The following ADAM10 variants were observed in gnomAD, a reference collection of about 807,000 sequenced individuals.
ADAM10 encodes the protein ADAM metallopeptidase domain 10, also known as disintegrin and metalloproteinase domain-containing protein 10.
In ADAM10, 17 loss-of-function variants were observed where a neutral mutation model predicts 90.1. The ratio of observed to expected loss-of-function variants is 0.19; its 90% CI spans 0.13 to 0.28. ADAM10 has a LOEUF of 0.28. Ranked by LOEUF, ADAM10 falls within the 10% of genes least tolerant of loss-of-function variation. ADAM10 has a pLI of 1.00. For synonymous variants in ADAM10, 310 were observed against 298.6 expected, an observed-to-expected ratio of 1.04 and a Z score of -0.40; for missense variants, 610 against 914.3, an observed-to-expected ratio of 0.67 and a Z score of 4.29.
chr15:58,743,513 C>T (rs1379938787), intron 1 of ADAM10, among the ~76,000 whole-genome samples: 2 of 152,174 alleles, frequency 1.3e-5, no homozygotes, highest in African/African-American at 4.8e-5. Flanking sequence ...AAAATGGTAA[C>T]ACAGTTGCTG....
chr15:58,619,925 G>A (rs112963976), intron 11 of ADAM10, among the ~76,000 whole-genome samples: 74 of 151,580 alleles, frequency 4.9e-4, no homozygotes, highest in Non-Finnish European at 4.3e-4. Flanking sequence ...TTTAAAAAAA[G>A]GAATAGGAAG....
At chr15:58,749,299 A>C (rs987447586) in intron 1 of ADAM10, among the ~76,000 whole-genome samples, 181 bp downstream of exon 1, 3 of 151,936 alleles carry the variant, frequency 2.0e-5, no homozygotes, top group East Asian at 1.9e-4. Flanking sequence ...CCCGCCACCG[A>C]AGGGAAAGCG....
At chr15:58,713,500 G>A (rs1195095557) in intron 2 of ADAM10, among the ~76,000 whole-genome samples, 1 of 152,076 alleles carries the variant, frequency 6.6e-6, no homozygotes, top group Non-Finnish European at 1.5e-5. Flanking sequence ...AGGAGTAGAG[G>A]ACATATGCAT....
chr15:58,606,012 CAT>C (rs1895262680), intron 14 of ADAM10, among the ~76,000 whole-genome samples: 1 of 152,106 alleles, frequency 6.6e-6, no homozygotes, highest in Non-Finnish European at 1.5e-5. Flanking sequence ...TCTCTTCAGA[CAT>C]AAGATAATCT....
intron 2 of ADAM10, among the ~76,000 whole-genome samples, chr15:58,697,392 C>A (rs1320618305): frequency 6.6e-6 from 1 of 152,150 alleles, no homozygotes; most frequent in Non-Finnish European, 1.5e-5. Flanking sequence ...GATCACCCCA[C>A]CCCTGCCTAC....
rs1247280058 is a variant in ADAM10 at position 58,590,125 on chromosome 15, G to C, written c.*7422C>G. The stretch of plus-strand genomic sequence containing the variant: ...CTTCATCCATCATATTTTGACTCAA[G>C]CATCACTTTCATAAGGAATTCTCTG... On this transcript the variant is annotated 3_prime_UTR_variant, in exon 16 of 16. Transcript: ENST00000260408. The C allele has an allele frequency of 2.6e-5, 4 of 152,034 alleles. No homozygotes were observed. Among genetic ancestry groups the C allele is most frequent in the African/African-American group, 9.7e-5 (4 of 41,366 alleles). The allele number at this position is 152,034 out of a possible 1,614,324, so 9.4% of individuals were successfully genotyped here.
intron 14 of ADAM10, among the ~76,000 whole-genome samples, chr15:58,603,496 G>A (rs1288271370): frequency 3.9e-5 from 6 of 152,262 alleles, no homozygotes; most frequent in African/African-American, 1.2e-4. Context: ...GCTTTCTCAC[G>A]ATGATGGGCA....
chr15:58,599,107 T>C lies in ADAM10; in HGVS notation c.2152+491A>G, dbSNP rs1193169742. On this transcript the variant is annotated intron_variant, in intron 15 of 15. Coordinates refer to ENST00000260408, the MANE Select transcript of ADAM10 (RefSeq NM_001110.4). ...AGGAGGCTAAAGTGGGGAGGATTGC[T>C]TGAGCTCAGGAGTAAGTCCAGCCTG... is the stretch of plus-strand genomic sequence containing the variant. Among the ~76,000 whole-genome samples the C allele has an allele frequency of 2.7e-5, 4 of 146,362 alleles. No individual in the cohort carries two copies. In the East Asian group the frequency reaches 6.0e-4, roughly 22 times the overall value.
At chr15:58,706,157 T>C (rs1251274976) in intron 2 of ADAM10, among the ~76,000 whole-genome samples, 2 of 152,178 alleles carry the variant, frequency 1.3e-5, no homozygotes, top group Non-Finnish European at 1.5e-5. Context: ...ACAGGGTGCA[T>C]CCTTTTAACT....
rs185706539 is a variant in ADAM10, at chr15:58,640,668, G to A, written c.1012+109C>T. ...GCCTAACTCAAGTAGCATAAATTAG[G>A]ATATTATACAGGCATCACTTTCTCC... On this transcript the variant is annotated intron_variant, in intron 8 of 15. Transcript: ENST00000260408. 163 of 1,040,626 alleles carry A rather than the reference G, an allele frequency of 1.6e-4. 1 individual carries two copies. The African/African-American group carries it at 1.9e-3, about 12-fold the overall frequency. 64.5% of individuals were successfully genotyped at this position (1,040,626 alleles called of 1,614,324 possible).
At chr15:58,619,157 G>A (rs1566969413) in intron 11 of ADAM10, among the ~76,000 whole-genome samples, 2 of 152,104 alleles carry the variant, frequency 1.3e-5, no homozygotes, top group South Asian at 2.1e-4. Flanking sequence ...TCACAAAGAA[G>A]AGCAAAATAC....
At chr15:58,661,876 A>AT (rs1360684376) in intron 5 of ADAM10, among the ~76,000 whole-genome samples, 1 of 152,086 alleles carries the variant, frequency 6.6e-6, no homozygotes, top group African/African-American at 2.4e-5. Context: ...TATCCACTAA[A>AT]TTTTTTACCT....
chr15:58,727,732 C>T (rs1401924030), intron 1 of ADAM10, among the ~76,000 whole-genome samples: 3 of 151,944 alleles, frequency 2.0e-5, no homozygotes, highest in African/African-American at 7.2e-5. Context: ...ACATCCAAAC[C>T]CTAATCCAAA....
chr15:58,726,228 A>G (rs1899021907), intron 1 of ADAM10, among the ~76,000 whole-genome samples: 1 of 152,212 alleles, frequency 6.6e-6, no homozygotes, highest in Non-Finnish European at 1.5e-5. Context: ...AGTTATAGAT[A>G]TTGTACACTG....
chr15:58,652,110 A>G (rs1167598151), intron 5 of ADAM10, among the ~76,000 whole-genome samples: 4 of 152,082 alleles, frequency 2.6e-5, no homozygotes, highest in African/African-American at 9.7e-5. Context: ...TTTTTTCTAT[A>G]GAGTTATTTC....
In ADAM10 at chr15:58,590,436, AGAAGTATCTGT is replaced by A. The variant is rs1325474966; in HGVS notation, c.*7100_*7110del. ...AGGCCCTGGCACAATCAAGTGCCTA[AGAAGTATCTGT>A]GAGTAAGGTAACTGGTCAATGCATA... is the stretch of plus-strand genomic sequence containing the variant. On this transcript the variant is annotated 3_prime_UTR_variant, in exon 16 of 16. Coordinates refer to ENST00000260408, the MANE Select transcript of ADAM10 (RefSeq NM_001110.4). 4 of 152,250 alleles carry A rather than the reference AGAAGTATCTGT, an allele frequency of 2.6e-5. No homozygotes were observed. Among genetic ancestry groups the A allele is most frequent in the African/African-American group, 9.6e-5 (4 of 41,464 alleles). The allele number at this position is 152,250 out of a possible 1,614,324, so 9.4% of individuals were successfully genotyped here. A position where few individuals can be genotyped will look rare whatever the true frequency, so the allele number is the denominator to read the frequency against.
intron 14 of ADAM10, among the ~76,000 whole-genome samples, chr15:58,600,520 G>C (rs1342038743): frequency 6.6e-6 from 1 of 151,800 alleles, no homozygotes; most frequent in Non-Finnish European, 1.5e-5. Flanking sequence ...GTATTCATTA[G>C]TTTATAGGCT....
At chr15:58,655,703 T>C (rs1566982283) in intron 5 of ADAM10, among the ~76,000 whole-genome samples, 1 of 47,758 alleles carries the variant, frequency 2.1e-5, no homozygotes, top group Non-Finnish European at 3.2e-5. Flanking sequence ...ATAGTATATA[T>C]ATATATAGTA....
At chr15:58,694,513 T>C (rs1396396422) in intron 2 of ADAM10, among the ~76,000 whole-genome samples, 1 of 152,044 alleles carries the variant, frequency 6.6e-6, no homozygotes, top group Admixed American at 6.6e-5. Flanking sequence ...CCCAGTACTT[T>C]GGGAGGCTGA....
Sources: allele counts gnomAD v4.1 joint callset (sites outside exome capture counted in the v4.1 genomes callset), GRCh38; gene constraint gnomAD v4.1.1; transcripts MANE v1.5; gene names NCBI Gene and HGNC (gene_info 2026-07-23, HGNC 2026-07-21).